MECR: variants seen among roughly 807,000 people sequenced by gnomAD.
The protein encoded by MECR is enoyl-[acyl-carrier-protein] reductase, mitochondrial.
MECR carries 37 observed loss-of-function variants against 49.1 expected under a neutral mutation model. The ratio of observed to expected loss-of-function variants is 0.75; its 90% CI spans 0.58 to 0.99. The LOEUF is 0.99. MECR is among the 50% of genes least tolerant of loss of function. The pLI is 0.00. For missense variants in MECR, 470 were observed against 479.6 expected (o/e 0.98, Z 0.19); for synonymous variants, 198 against 191.1 (o/e 1.04, Z -0.30).
intron 1 of MECR, chr1:29,224,102 A>C (rs1339377203): frequency 6.6e-6 from 1 of 152,168 alleles, no homozygotes; most frequent in Non-Finnish European, 1.5e-5. Flanking sequence ...TACTTACCCT[A>C]AACTAAGAGG....
chr1:29,216,094 T>A lies in MECR; in HGVS notation c.317A>T (p.Asn106Ile). ...FLPELPAVGG[N>I]EGVAQVVAVG... The stretch of plus-strand genomic sequence containing the variant: ...CGCTACCACCTGTGCAACACCTTCG[T>A]TCCCTCCAACAGCAGGCAGTTCAGG... The change falls in exon 3 of 10, where the codon AAC (asparagine) becomes ATC (isoleucine). Residue 106 changes from asparagine (N) to isoleucine (I), a missense_variant. Physicochemically the swap from Asn to Ile is moderately radical, Grantham distance 149. Transcript: ENST00000263702. The A allele has an allele frequency of 2.5e-6, 4 of 1,613,960 alleles. No homozygotes were observed. Among genetic ancestry groups the A allele is most frequent in the Non-Finnish European group, 3.4e-6 (4 of 1,179,886 alleles).
chr1:29,191,470 A>C (rs1456500558), downstream of MECR, among the ~76,000 whole-genome samples: 1 of 152,128 alleles, frequency 6.6e-6, no homozygotes, highest in Non-Finnish European at 1.5e-5. Context: ...CGCCTGTCTA[A>C]TTATAGGTGT....
chr1:29,175,043 C>G, the MECR span, among the ~76,000 whole-genome samples: 1 of 150,598 alleles, frequency 6.6e-6, no homozygotes, highest in East Asian at 1.9e-4. Context: ...CATGCCCATA[C>G]CTGTATGTGA....
intron 5 of MECR, among the ~76,000 whole-genome samples, chr1:29,202,286 A>G (rs1675512322): frequency 6.6e-6 from 1 of 152,180 alleles, no homozygotes; most frequent in Non-Finnish European, 1.5e-5. Context: ...TGACAGCTCA[A>G]TAGTGTTAGA....
downstream of MECR, among the ~76,000 whole-genome samples, chr1:29,190,538 A>T (rs1673100987): frequency 6.6e-6 from 1 of 152,094 alleles, no homozygotes; most frequent in African/African-American, 2.4e-5. Flanking sequence ...TTACACCTGT[A>T]ATCCCAGCAC....
Position 29,192,946 on chromosome 1 carries a change from A to AT in MECR, c.*1075dup, listed in dbSNP as rs35998084. The AT allele has an allele frequency of 0.37, 53,835 of 144,200 alleles. 10,396 individuals are homozygous for AT. The highest frequency in any genetic ancestry group is 0.44 in the Non-Finnish European group (29,297 of 65,894). 8.9% of individuals were successfully genotyped at this position (144,200 alleles called of 1,614,324 possible). A position where few individuals can be genotyped will look rare whatever the true frequency, so the allele number is the denominator to read the frequency against. ...ATGAACATTGAACATTTGGGGCTAG[A>AT]TTTTTTTTTTTTTTTTGATATAGGG... On this transcript the variant is annotated 3_prime_UTR_variant, in exon 10 of 10. Coordinates refer to ENST00000263702, the MANE Select transcript of MECR (RefSeq NM_016011.5).
At chr1:29,174,710 C>T in the MECR span, among the ~76,000 whole-genome samples, 1 of 147,700 alleles carries the variant, frequency 6.8e-6, no homozygotes, top group Non-Finnish European at 1.5e-5. Context: ...AGTCTTGCTC[C>T]ATCACCAGGC....
intron 3 of MECR, among the ~76,000 whole-genome samples, chr1:29,210,415 C>A (rs558727910): frequency 4.6e-5 from 7 of 152,258 alleles, no homozygotes; most frequent in Non-Finnish European, 5.9e-5. Flanking sequence ...CCAGGAAGTG[C>A]CCCAGCATCC....
chr1:29,201,884 C>A lies in MECR; in HGVS notation c.756+59G>T. 1.4e-6 allele frequency: 2 copies of A among 1,393,110 alleles called. No homozygotes were observed. The highest frequency in any genetic ancestry group is 2.0e-6 in the Non-Finnish European group (2 of 980,780). 86.3% of individuals were successfully genotyped at this position (1,393,110 alleles called of 1,614,324 possible). On this transcript the variant is annotated intron_variant, in intron 6 of 9. Coordinates refer to ENST00000263702, the MANE Select transcript of MECR (RefSeq NM_016011.5). This position sits in a 1 kb window ranked among gnomAD's most constrained non-coding sequence, Gnocchi z 4.3. ...AGTCCCCAGTTTCTCTAATGCATGT[C>A]AACTTTCTTCAGGGAGATGTGCGTG...
chr1:29,215,529 G>A (rs188442393), intron 3 of MECR, among the ~76,000 whole-genome samples: 49 of 151,638 alleles, frequency 3.2e-4, no homozygotes, highest in Middle Eastern at 3.2e-3. Context: ...CCGAGATCGC[G>A]TCACTGCACT....
intron 1 of MECR, among the ~76,000 whole-genome samples, chr1:29,222,289 G>C (rs964283890): frequency 6.6e-6 from 1 of 152,032 alleles, no homozygotes; most frequent in Non-Finnish European, 1.5e-5. Flanking sequence ...AGTAGAGACA[G>C]GGTTTTATCA....
chr1:29,168,032 A>C, the MECR span, among the ~76,000 whole-genome samples: 77 of 142,010 alleles, frequency 5.4e-4, no homozygotes, highest in African/African-American at 1.9e-3. Flanking sequence ...TTTTTTTTAA[A>C]AAAAACATAG....
intron 1 of MECR, among the ~76,000 whole-genome samples, chr1:29,228,549 G>A (rs536466954): frequency 4.6e-5 from 7 of 151,970 alleles, no homozygotes; most frequent in Non-Finnish European, 8.8e-5. Context: ...ACAGGGTTTC[G>A]CCATGATCTG....
At chr1:29,211,088 G>GTTTTTTTTTTTTTTTTTTTTTTT (rs112758931) in intron 3 of MECR, among the ~76,000 whole-genome samples, 1 of 144,124 alleles carries the variant, frequency 6.9e-6, no homozygotes, top group Non-Finnish European at 1.5e-5. Flanking sequence ...TAAATAAAGG[G>GTTTTTTTTTTTTTTTTTTTTTTT]TTTTTTTTTT....
rs1221225715 is a variant in MECR, at chr1:29,193,452, G to A, written c.*570C>T. 6.0e-6 allele frequency: 1 copy of A among 167,592 alleles called. No individual in the cohort carries two copies. The highest frequency in any genetic ancestry group is 1.9e-4 in the East Asian group (1 of 5,208). 10.4% of individuals were successfully genotyped at this position (167,592 alleles called of 1,614,324 possible). On this transcript the variant is annotated 3_prime_UTR_variant, in exon 10 of 10. Transcript: ENST00000263702. Reference sequence around the variant, plus strand: ...ATATTGTCTATGTCTCCAGTTAGAAGGGCAGTTCCATGAGAGTGAAGACCC... The same window carrying A: ...ATATTGTCTATGTCTCCAGTTAGAAAGGCAGTTCCATGAGAGTGAAGACCC...
Position 29,223,108 on chromosome 1 carries a change from C to A in MECR, c.177-6423G>T, listed in dbSNP as rs546948065. On this transcript the variant is annotated intron_variant, in intron 1 of 9. Transcript: ENST00000263702. Reference sequence around the variant, plus strand: ...AGTACAAATGAGGCACCCAACCCAGCCTGGCTAGATCTCAAATTGCTTCCC... The same window carrying A: ...AGTACAAATGAGGCACCCAACCCAGACTGGCTAGATCTCAAATTGCTTCCC... The A allele has an allele frequency of 4.1e-6, 4 of 985,472 alleles. No homozygotes were observed. In the South Asian group the frequency reaches 1.4e-4, roughly 35 times the overall value. 61.0% of individuals were successfully genotyped at this position (985,472 alleles called of 1,614,324 possible). A position where few individuals can be genotyped will look rare whatever the true frequency, so the allele number is the denominator to read the frequency against.
Position 29,193,700 on chromosome 1 carries a change from G to A in MECR, c.*322C>T, listed in dbSNP as rs769097699. 4 of 273,624 alleles carry A rather than the reference G, an allele frequency of 1.5e-5. No individual in the cohort carries two copies. The highest frequency in any genetic ancestry group is 9.0e-5 in the African/African-American group (4 of 44,530). The allele number at this position is 273,624 out of a possible 1,614,324, so 16.9% of individuals were successfully genotyped here. A position where few individuals can be genotyped will look rare whatever the true frequency, so the allele number is the denominator to read the frequency against. On this transcript the variant is annotated 3_prime_UTR_variant, in exon 10 of 10. Transcript: ENST00000263702. ...TACCCACCCAGGCTTTGCTTTCAGGGTGGTCAGAAAATGATTACTGGGGGA... is the reference window on the plus strand; with the variant it reads ...TACCCACCCAGGCTTTGCTTTCAGGATGGTCAGAAAATGATTACTGGGGGA...
At chr1:29,171,430 A>T in the MECR span, 1 of 148,348 alleles carries the variant, frequency 6.7e-6, no homozygotes, top group Admixed American at 6.9e-5. Context: ...AATTTAAAAA[A>T]TCTTCTATTT....
intron 4 of MECR, among the ~76,000 whole-genome samples, 192 bp downstream of exon 4, chr1:29,206,570 G>A (rs1676624350): frequency 6.6e-6 from 1 of 152,154 alleles, no homozygotes; most frequent in African/African-American, 2.4e-5. Context: ...TACTCCTCAT[G>A]AGGTTTCAGC....
Sources: allele counts gnomAD v4.1 joint callset (sites outside exome capture counted in the v4.1 genomes callset), GRCh38; gene constraint gnomAD v4.1.1; non-coding constraint Gnocchi (gnomAD v3.1); transcripts MANE v1.5; gene names NCBI Gene and HGNC (gene_info 2026-07-23, HGNC 2026-07-21).